PTPRZ1: variants seen among roughly 807,000 people sequenced by gnomAD.
PTPRZ1 encodes protein tyrosine phosphatase receptor type Z1.
A neutral mutation model predicts 214.1 loss-of-function variants in PTPRZ1; 82 were observed. That is an observed-to-expected ratio of 0.38 (90% CI 0.32 to 0.46). The LOEUF (loss-of-function observed/expected upper bound fraction) is 0.46, where lower values mean the gene tolerates loss of function less well. Among genes scored for constraint, PTPRZ1 ranks in the 20% least tolerant of loss-of-function variants. The pLI is 1.00. For missense variants in PTPRZ1, 2,603 were observed against 2,748.7 expected, an observed-to-expected ratio of 0.95 and a Z score of 1.19; for synonymous variants, 945 against 987.9, an observed-to-expected ratio of 0.96 and a Z score of 0.81.
chr7:122,043,468 C>A (rs1799791725), intron 22 of PTPRZ1, among the ~76,000 whole-genome samples: 1 of 152,048 alleles, frequency 6.6e-6, no homozygotes, highest in Admixed American at 6.6e-5. Flanking sequence ...ATAGTTTACC[C>A]GTAAGTGACA....
chr7:121,904,283 C>T (rs533627952), intron 1 of PTPRZ1, among the ~76,000 whole-genome samples: 2 of 152,144 alleles, frequency 1.3e-5, no homozygotes, highest in South Asian at 2.1e-4. Flanking sequence ...AGGCTGGCTG[C>T]CAATCAAGGA....
intron 1 of PTPRZ1, among the ~76,000 whole-genome samples, chr7:121,923,976 G>A (rs534691795): frequency 6.6e-6 from 1 of 152,068 alleles, no homozygotes; most frequent in African/African-American, 2.4e-5. Context: ...TCTCAATTTA[G>A]TTAGGAGGTT....
intron 1 of PTPRZ1, 36 bp downstream of exon 1, chr7:121,873,593 G>C (rs1194608324): frequency 3.7e-6 from 6 of 1,608,262 alleles, no homozygotes; most frequent in African/African-American, 1.3e-5. Flanking sequence ...TTCAGCTCCG[G>C]GATCGGTGGG....
intron 27 of PTPRZ1, among the ~76,000 whole-genome samples, chr7:122,057,947 A>AGTGTGT (rs553724896): frequency 1.4e-5 from 2 of 146,670 alleles, no homozygotes; most frequent in Non-Finnish European, 3.0e-5. Flanking sequence ...TCATTCATAT[A>AGTGTGT]GTGTGTGTGT....
intron 1 of PTPRZ1, among the ~76,000 whole-genome samples, chr7:121,894,554 C>T (rs1333967720): frequency 6.6e-6 from 1 of 152,070 alleles, no homozygotes; most frequent in Non-Finnish European, 1.5e-5. Context: ...TACAGGCACG[C>T]ACTTCCATGC....
chr7:121,892,584 A>T (rs1794666592), intron 1 of PTPRZ1, among the ~76,000 whole-genome samples: 1 of 150,308 alleles, frequency 6.7e-6, no homozygotes, highest in South Asian at 2.1e-4. Flanking sequence ...ATATTTAACA[A>T]GATTATTCAC....
intron 1 of PTPRZ1, among the ~76,000 whole-genome samples, chr7:121,874,036 G>GCACACACA (rs1793971784): frequency 2.8e-5 from 3 of 107,748 alleles, no homozygotes; most frequent in African/African-American, 1.9e-4. Context: ...GGTGTGAATT[G>GCACACACA]CAGACACACA....
intron 2 of PTPRZ1, among the ~76,000 whole-genome samples, chr7:121,947,360 C>T (rs1386050885): frequency 6.6e-6 from 1 of 151,936 alleles, no homozygotes; most frequent in Non-Finnish European, 1.5e-5. Context: ...TATTTAACTC[C>T]ATAGTCCTAT....
rs183150893 is a variant in PTPRZ1 at position 121,937,941 on chromosome 7, A to C, written c.124+9720A>C. ...GCCAATCTGATATTTTTTTCCCACA[A>C]GGAAAACACTTTTTTATTTATCATT... On this transcript the variant is annotated intron_variant, in intron 2 of 29. Transcript: ENST00000393386. 3.7e-3 allele frequency among the ~76,000 whole-genome samples: 567 copies of C among 152,316 alleles called. 3 individuals are homozygous for C. Among genetic ancestry groups the C allele is most frequent in the African/African-American group, 0.013 (536 of 41,558 alleles).
At chr7:121,959,218 C>T (rs1186278347) in intron 2 of PTPRZ1, among the ~76,000 whole-genome samples, 3 of 152,186 alleles carry the variant, frequency 2.0e-5, no homozygotes, top group Admixed American at 2.0e-4. Context: ...TGACCTGTAA[C>T]CCCCTGCCAA....
At chr7:121,917,718 G>A (rs1368574388) in intron 1 of PTPRZ1, among the ~76,000 whole-genome samples, 12 of 152,092 alleles carry the variant, frequency 7.9e-5, no homozygotes, top group Middle Eastern at 6.8e-3. Flanking sequence ...TTTTTAAATT[G>A]TGGAAATACA....
At position 122,061,782 on chromosome 7, in the gene PTPRZ1, C is replaced by T. The variant is rs188251750; in HGVS notation, c.*562C>T. The T allele has an allele frequency of 6.6e-6, 1 of 152,592 alleles. No individual in the cohort carries two copies. 9.5% of individuals were successfully genotyped at this position (152,592 alleles called of 1,614,324 possible). On this transcript the variant is annotated 3_prime_UTR_variant, in exon 30 of 30. Transcript: ENST00000393386. ...AGATTTTTATATTTTACTACTGAGT[C>T]AAGTTTTCTAGTTCTGTGTAATTGT...
intron 20 of PTPRZ1, among the ~76,000 whole-genome samples, chr7:122,040,326 T>C (rs1799685948): frequency 1.3e-5 from 2 of 152,202 alleles, no homozygotes; most frequent in African/African-American, 2.4e-5. Flanking sequence ...ACTCACATGA[T>C]CATGGGGATT....
At chr7:122,029,544 G>T (rs1051590908) in intron 14 of PTPRZ1, among the ~76,000 whole-genome samples, 4 of 151,686 alleles carry the variant, frequency 2.6e-5, no homozygotes, top group Non-Finnish European at 5.9e-5. Flanking sequence ...AAGAAAGTAG[G>T]GATACAAAAG....
In PTPRZ1 at chr7:122,042,566, A is replaced by G. The variant is rs774891266; in HGVS notation, c.5802-42A>G. 12 of 1,542,082 alleles carry G rather than the reference A, an allele frequency of 7.8e-6. No homozygotes were observed. In the East Asian group the frequency reaches 2.3e-4, roughly 30 times the overall value. ...GTGATCTATTTTTCAAATTTATTTTATGCTTAACATTGAAATATTTATTTC... is the reference window on the plus strand; with the variant it reads ...GTGATCTATTTTTCAAATTTATTTTGTGCTTAACATTGAAATATTTATTTC... On this transcript the variant is annotated intron_variant, in intron 21 of 29. Coordinates refer to ENST00000393386, the MANE Select transcript of PTPRZ1 (RefSeq NM_002851.3).
chr7:121,959,117 C>T (rs1796798216), intron 2 of PTPRZ1, among the ~76,000 whole-genome samples: 1 of 152,174 alleles, frequency 6.6e-6, no homozygotes, highest in East Asian at 1.9e-4. Context: ...GCCACCACGC[C>T]CGGCCCCTAG....
At chr7:122,023,977 T>C (rs1799131345) in intron 13 of PTPRZ1, among the ~76,000 whole-genome samples, 1 of 151,402 alleles carries the variant, frequency 6.6e-6, no homozygotes, top group South Asian at 2.1e-4. Context: ...ATAGGACCTA[T>C]GTCTACAAGT....
At position 122,061,258 on chromosome 7, in the gene PTPRZ1, T is replaced by C. The variant is rs373973810; in HGVS notation, c.*38T>C. ...TGGGGGAACTCACATCTGAGCATTG[T>C]TTTCCTCTTCCTAAAATTAGGCAGG... On this transcript the variant is annotated 3_prime_UTR_variant, in exon 30 of 30. Transcript: ENST00000393386. 4 of 1,486,992 alleles carry C rather than the reference T, an allele frequency of 2.7e-6. No individual in the cohort carries two copies. Among genetic ancestry groups the C allele is most frequent in the Non-Finnish European group, 3.6e-6 (4 of 1,103,716 alleles). The allele number at this position is 1,486,992 out of a possible 1,614,324, so 92.1% of individuals were successfully genotyped here. A position where few individuals can be genotyped will look rare whatever the true frequency, so the allele number is the denominator to read the frequency against.
At chr7:121,913,037 G>A (rs986951786) in intron 1 of PTPRZ1, among the ~76,000 whole-genome samples, 1 of 152,144 alleles carries the variant, frequency 6.6e-6, no homozygotes, top group Non-Finnish European at 1.5e-5. Context: ...GCAGCAGGGA[G>A]CAAGATAGGC....
Sources: gnomAD v4.1 joint callset for allele counts (sites outside exome capture counted in the v4.1 genomes callset) on GRCh38, gnomAD v4.1.1 for gene constraint, MANE v1.5 for transcripts, NCBI Gene and HGNC (gene_info 2026-07-23, HGNC 2026-07-21) for gene names.